Variants in UNC5C observed in about 807,000 individuals in gnomAD.
UNC5C encodes netrin receptor UNC5C.
In UNC5C, 47 loss-of-function variants were observed where a neutral mutation model predicts 99.8. The ratio of observed to expected loss-of-function variants is 0.47; its 90% CI spans 0.37 to 0.60. The LOEUF is 0.60. UNC5C is among the 20% of genes least tolerant of loss of function. The pLI is 0.00. For missense variants in UNC5C, 1,062 were observed against 1,165.9 expected (o/e 0.91, Z 1.30); for synonymous variants, 487 against 452.2 (o/e 1.08, Z -0.98).
At chr4:95,435,767 A>G (rs138607273) in intron 1 of UNC5C, among the ~76,000 whole-genome samples, 200 of 152,194 alleles carry the variant, frequency 1.3e-3, no homozygotes, top group Non-Finnish European at 2.4e-3. Context: ...AAGCAAACTT[A>G]GGTCTCTTTC....
intron 4 of UNC5C, 129 bp from the exon 5 acceptor site, chr4:95,250,796 T>C (rs186470719): frequency 2.2e-5 from 20 of 897,504 alleles, no homozygotes; most frequent in African/African-American, 1.0e-4. Context: ...TTTTGTAATA[T>C]GTACAATGTT....
intron 6 of UNC5C, among the ~76,000 whole-genome samples, chr4:95,244,061 T>C (rs1739415855): frequency 6.6e-6 from 1 of 152,062 alleles, no homozygotes; most frequent in Non-Finnish European, 1.5e-5. Flanking sequence ...CTCCAGTTCA[T>C]TTGTCCAGCC....
intron 1 of UNC5C, among the ~76,000 whole-genome samples, chr4:95,351,141 G>A (rs1486445571): frequency 2.6e-5 from 4 of 151,980 alleles, no homozygotes; most frequent in Admixed American, 6.6e-5. Flanking sequence ...CCCTTCACCT[G>A]AAGGCCTCCC....
rs1440685948 is a variant in UNC5C at position 95,220,020 on chromosome 4, C to A, written c.1265G>T (p.Gly422Val). Residue 422 changes from glycine to valine, a missense_variant, in exon 8 of 16, where the codon GGC becomes GTC. Coordinates refer to ENST00000453304, the MANE Select transcript of UNC5C (RefSeq NM_003728.4). Reference sequence around the variant, plus strand: ...TGCCTTGATGTTCACAGGCTGAAAGCCCCCATTGAGTGCCGAAGAGTCAAT... The same window carrying A: ...TGCCTTGATGTTCACAGGCTGAAAGACCCCATTGAGTGCCGAAGAGTCAAT... ...DIIDSSALNG[G>V]FQPVNIKAAR... 4.3e-6 allele frequency: 7 copies of A among 1,613,854 alleles called. No individual in the cohort carries two copies. Among genetic ancestry groups the A allele is most frequent in the African/African-American group, 1.3e-5 (1 of 74,900 alleles).
At chr4:95,510,916 T>A (rs140370219) in intron 1 of UNC5C, among the ~76,000 whole-genome samples, 268 of 152,228 alleles carry the variant, frequency 1.8e-3, no homozygotes, top group African/African-American at 6.1e-3. Flanking sequence ...AAAAAGTGGT[T>A]GAGTTGTTGT....
At chr4:95,173,245 C>G (rs1353117776) in intron 14 of UNC5C, among the ~76,000 whole-genome samples, 1 of 138,722 alleles carries the variant, frequency 7.2e-6, no homozygotes, top group African/African-American at 2.6e-5. Flanking sequence ...CTTCTCCTGC[C>G]TAATTGCCCT....
chr4:95,203,276 T>C (rs1403887236), intron 11 of UNC5C, among the ~76,000 whole-genome samples: 1 of 152,162 alleles, frequency 6.6e-6, no homozygotes, highest in Admixed American at 6.5e-5. Context: ...TATATTAATA[T>C]GCAATTCTAC....
At chr4:95,247,923 C>A (rs1739560727) in intron 5 of UNC5C, 1 of 152,240 alleles carries the variant, frequency 6.6e-6, no homozygotes, top group African/African-American at 2.4e-5. Flanking sequence ...TTAATCAAGT[C>A]TTTCAGGCAG....
chr4:95,216,757 A>G (rs1460938897), intron 9 of UNC5C, among the ~76,000 whole-genome samples: 2 of 152,260 alleles, frequency 1.3e-5, no homozygotes, highest in Non-Finnish European at 2.9e-5. Flanking sequence ...GTTTCTAGTT[A>G]GTTGCTAATC....
At chr4:95,253,237 G>A (rs184904662) in intron 4 of UNC5C, among the ~76,000 whole-genome samples, 192 of 152,036 alleles carry the variant, frequency 1.3e-3, no homozygotes, top group African/African-American at 4.5e-3. Flanking sequence ...TCAAAACTAC[G>A]GTTCCTCCTA....
At chr4:95,294,797 T>TA (rs1324007562) in intron 3 of UNC5C, among the ~76,000 whole-genome samples, 1 of 152,234 alleles carries the variant, frequency 6.6e-6, no homozygotes, top group Non-Finnish European at 1.5e-5. Flanking sequence ...TATCCATTTT[T>TA]ATGAACACCT....
At chr4:95,371,024 A>G (rs967361817) in intron 1 of UNC5C, among the ~76,000 whole-genome samples, 5 of 152,186 alleles carry the variant, frequency 3.3e-5, no homozygotes, top group African/African-American at 9.7e-5. Flanking sequence ...TTATTTATCT[A>G]TTCATATTTA....
chr4:95,311,934 C>A (rs1389695079), intron 2 of UNC5C, among the ~76,000 whole-genome samples: 1 of 152,092 alleles, frequency 6.6e-6, no homozygotes, highest in Admixed American at 6.6e-5. Context: ...ACAGTACTAG[C>A]TGCTCAGGAG....
intron 14 of UNC5C, among the ~76,000 whole-genome samples, chr4:95,174,846 T>A (rs1436378039): frequency 6.7e-6 from 1 of 149,268 alleles, no homozygotes; most frequent in Non-Finnish European, 1.5e-5. Context: ...AGTGGGGTGT[T>A]AAAATCTCCC....
chr4:95,372,047 A>G (rs1169554822), intron 1 of UNC5C, among the ~76,000 whole-genome samples: 1 of 152,110 alleles, frequency 6.6e-6, no homozygotes, highest in East Asian at 1.9e-4. Context: ...ATTTCCTGAA[A>G]CATGTAACAA....
chr4:95,197,153 G>A (rs971477062), intron 12 of UNC5C, among the ~76,000 whole-genome samples: 8 of 140,040 alleles, frequency 5.7e-5, no homozygotes, highest in Non-Finnish European at 9.1e-5. Flanking sequence ...ATAAATAAAT[G>A]TATTATCTAT....
chr4:95,322,776 C>A (rs1227780910), intron 2 of UNC5C, among the ~76,000 whole-genome samples: 1 of 151,108 alleles, frequency 6.6e-6, no homozygotes, highest in Non-Finnish European at 1.5e-5. Context: ...CCGTCCCTAC[C>A]AAAAATACAA....
At chr4:95,535,550 A>T (rs992711123) in intron 1 of UNC5C, among the ~76,000 whole-genome samples, 8 of 152,182 alleles carry the variant, frequency 5.3e-5, no homozygotes, top group Admixed American at 4.6e-4. Flanking sequence ...CAATTCTATG[A>T]TGTAAATACT....
chr4:95,331,916 T>C lies in UNC5C; in HGVS notation c.346+3494A>G, dbSNP rs969952084. On this transcript the variant is annotated intron_variant, in intron 2 of 15. Coordinates refer to ENST00000453304, the MANE Select transcript of UNC5C (RefSeq NM_003728.4). ...TGTACAAAAATCACAGGCATTCTTA[T>C]ACACCAACAACAGACAAACAGAGAG... 1.1e-4 allele frequency among the ~76,000 whole-genome samples: 17 copies of C among 152,184 alleles called. 1 individual carries two copies. The highest frequency in any genetic ancestry group is 4.1e-4 in the African/African-American group (17 of 41,534).
Sources: gnomAD v4.1 joint callset for allele counts (sites outside exome capture counted in the v4.1 genomes callset) on GRCh38, gnomAD v4.1.1 for gene constraint, MANE v1.5 for transcripts, NCBI Gene and HGNC (gene_info 2026-07-23, HGNC 2026-07-21) for gene names.